Variants in ZBTB41 observed in about 807,000 individuals in gnomAD.
The protein encoded by ZBTB41 is zinc finger and BTB domain-containing protein 41.
In ZBTB41, 42 loss-of-function variants were observed where a neutral mutation model predicts 87.6. The ratio of observed to expected loss-of-function variants is 0.48; its 90% CI spans 0.37 to 0.62. The LOEUF (loss-of-function observed/expected upper bound fraction) is 0.62. Ranked by LOEUF, ZBTB41 falls within the 20% of genes least tolerant of loss-of-function variation. The pLI is 0.00. For synonymous variants in ZBTB41, 364 were observed against 364.0 expected (o/e 1.00, Z 0.00); for missense variants, 799 against 1,078.9 (o/e 0.74, Z 3.63).
chr1:197,186,083 T>C (rs920731075), intron 5 of ZBTB41, among the ~76,000 whole-genome samples: 4 of 151,778 alleles, frequency 2.6e-5, no homozygotes, highest in Non-Finnish European at 5.9e-5. Context: ...ACTATAAAGT[T>C]ACAGTAATCA....
intron 6 of ZBTB41, among the ~76,000 whole-genome samples, chr1:197,179,631 T>C (rs7554995): frequency 0.86 from 130,716 of 151,944 alleles, 56,729 homozygotes; most frequent in East Asian, 1. Context: ...GCATGTACTG[T>C]CCCTGAAGAC....
In ZBTB41 at chr1:197,176,437, T is replaced by C. The variant is rs1659609705; in HGVS notation, c.1879+127A>G. The C allele has an allele frequency of 1.6e-5, 10 of 606,550 alleles. No homozygotes were observed. The South Asian group carries it at 2.2e-4, about 14-fold the overall frequency. 37.6% of individuals were successfully genotyped at this position (606,550 alleles called of 1,614,324 possible). ...TTAAAAAATGTTTTCAGAACCAGAA[T>C]TACAAAGAAGTGATGAGCATAAACC... is the stretch of plus-strand genomic sequence containing the variant. On this transcript the variant is annotated intron_variant, in intron 8 of 10. Coordinates refer to ENST00000367405, the MANE Select transcript of ZBTB41 (RefSeq NM_194314.3).
chr1:197,159,215 C>T lies in ZBTB41; in HGVS notation c.*144G>A. On this transcript the variant is annotated 3_prime_UTR_variant, in exon 11 of 11. Coordinates refer to ENST00000367405, the MANE Select transcript of ZBTB41 (RefSeq NM_194314.3). ...AATATTCATGTTCAGTAAACAGAGA[C>T]ACATAGTTTTCTTGATTTGAAACTG... The T allele has an allele frequency of 1.3e-6, 1 of 746,438 alleles. No homozygotes were observed. Among genetic ancestry groups the T allele is most frequent in the Admixed American group, 2.9e-5 (1 of 34,658 alleles). 46.2% of individuals were successfully genotyped at this position (746,438 alleles called of 1,614,324 possible). A position where few individuals can be genotyped will look rare whatever the true frequency, so the allele number is the denominator to read the frequency against.
At position 197,158,697 on chromosome 1, in the gene ZBTB41, A is replaced by G. The variant is rs1298710272; in HGVS notation, c.*662T>C. ...CATAACAATTGAAGTATAGGCAAAA[A>G]CCAATTATCTGGATTATTATTTCAG... On this transcript the variant is annotated 3_prime_UTR_variant, in exon 11 of 11. Transcript: ENST00000367405. 5.9e-5 allele frequency: 9 copies of G among 152,068 alleles called. No individual in the cohort carries two copies. The highest frequency in any genetic ancestry group is 1.3e-4 in the Non-Finnish European group (9 of 67,956). 9.4% of individuals were successfully genotyped at this position (152,068 alleles called of 1,614,324 possible).
chr1:197,187,661 A>T (rs1327723308), intron 5 of ZBTB41, among the ~76,000 whole-genome samples: 1 of 152,156 alleles, frequency 6.6e-6, no homozygotes, highest in African/African-American at 2.4e-5. Flanking sequence ...GCACTTATAG[A>T]TATGGAGGGC....
chr1:197,191,456 CAAAAAAAAA>C (rs537220441), intron 3 of ZBTB41, among the ~76,000 whole-genome samples: 3 of 85,330 alleles, frequency 3.5e-5, no homozygotes, highest in Admixed American at 1.3e-4. Flanking sequence ...AGCCCTACTT[CAAAAAAAAA>C]AAAAAAAAAA....
intron 8 of ZBTB41, among the ~76,000 whole-genome samples, chr1:197,175,351 T>C (rs1204760765): frequency 6.7e-6 from 1 of 148,740 alleles, no homozygotes; most frequent in Non-Finnish European, 1.5e-5. Flanking sequence ...ATCAATAGCC[T>C]TTTGTTGAAC....
chr1:197,163,521 G>A (rs1302601065), intron 10 of ZBTB41, among the ~76,000 whole-genome samples: 2 of 151,718 alleles, frequency 1.3e-5, no homozygotes, highest in East Asian at 3.9e-4. Context: ...TCAGGAGGAG[G>A]AGAGAGAATA....
In ZBTB41 at chr1:197,159,231, T is replaced by A; in HGVS notation, c.*128A>T. On this transcript the variant is annotated 3_prime_UTR_variant, in exon 11 of 11. Transcript: ENST00000367405. Reference sequence around the variant, plus strand: ...AAACAGAGACACATAGTTTTCTTGATTTGAAACTGTTCTGAGGACTTGAGA... The same window carrying A: ...AAACAGAGACACATAGTTTTCTTGAATTGAAACTGTTCTGAGGACTTGAGA... 1.1e-6 allele frequency: 1 copy of A among 892,206 alleles called. No homozygotes were observed. Among genetic ancestry groups the A allele is most frequent in the South Asian group, 1.8e-5 (1 of 56,950 alleles). The allele number at this position is 892,206 out of a possible 1,614,324, so 55.3% of individuals were successfully genotyped here.
intron 10 of ZBTB41, among the ~76,000 whole-genome samples, chr1:197,163,296 A>G (rs536457194): frequency 6.6e-6 from 1 of 152,280 alleles, no homozygotes; most frequent in Non-Finnish European, 1.5e-5. Flanking sequence ...ATACAAAGTG[A>G]CCCAAATGAT....
intron 10 of ZBTB41, 111 bp from the exon 11 acceptor site, chr1:197,160,125 G>GC (rs1229150153): frequency 1.3e-6 from 1 of 747,276 alleles, no homozygotes; most frequent in African/African-American, 1.8e-5. Context: ...CTTGATAATA[G>GC]CAATAATACT....
At chr1:197,168,623 A>G (rs72738645) in intron 10 of ZBTB41, among the ~76,000 whole-genome samples, 45,995 of 152,002 alleles carry the variant, frequency 0.3, 8,711 homozygotes, top group Middle Eastern at 0.45. Context: ...AATTATAGAA[A>G]GTTCATGGAT....
At chr1:197,183,254 A>G (rs1659800333) in intron 5 of ZBTB41, among the ~76,000 whole-genome samples, 1 of 152,144 alleles carries the variant, frequency 6.6e-6, no homozygotes, top group South Asian at 2.1e-4. Flanking sequence ...GAGAATGAAA[A>G]CTATGCCTGG....
chr1:197,196,950 T>TA (rs1557988706), intron 2 of ZBTB41, among the ~76,000 whole-genome samples: 2 of 152,062 alleles, frequency 1.3e-5, no homozygotes. Context: ...GATAAAATTA[T>TA]CTTTATTGTA....
intron 8 of ZBTB41, chr1:197,175,858 T>C (rs1305405142): frequency 6.6e-6 from 1 of 151,936 alleles, no homozygotes; most frequent in Non-Finnish European, 1.5e-5. Context: ...CTCATTGAGA[T>C]CATCTCAGAA....
At chr1:197,186,917 A>G (rs1037679749) in intron 5 of ZBTB41, among the ~76,000 whole-genome samples, 3 of 152,044 alleles carry the variant, frequency 2.0e-5, no homozygotes, top group African/African-American at 7.2e-5. Flanking sequence ...CAAAGACTGA[A>G]CAGACACCAC....
chr1:197,190,867 G>A (rs760662099), intron 3 of ZBTB41, 36 bp from the exon 4 acceptor site: 14 of 1,321,892 alleles, frequency 1.1e-5, no homozygotes, highest in Middle Eastern at 3.7e-4. Context: ...TTAGGAAAAG[G>A]TTATATTAGT....
chr1:197,156,251 T>A lies in ZBTB41; in HGVS notation c.*3108A>T, dbSNP rs1385854212. ...ATTATTCTAGGACTTCAACTGTGCT[T>A]CTTTGGACAAATAGTTATTCAAGCA... On this transcript the variant is annotated 3_prime_UTR_variant, in exon 11 of 11. Coordinates refer to ENST00000367405, the MANE Select transcript of ZBTB41 (RefSeq NM_194314.3). 1 of 152,132 alleles carries A rather than the reference T, an allele frequency of 6.6e-6. No homozygotes were observed. The highest frequency in any genetic ancestry group is 2.4e-5 in the African/African-American group (1 of 41,412). The allele number at this position is 152,132 out of a possible 1,614,324, so 9.4% of individuals were successfully genotyped here.
At chr1:197,195,197 T>A (rs968842153) in intron 2 of ZBTB41, among the ~76,000 whole-genome samples, 1 of 152,206 alleles carries the variant, frequency 6.6e-6, no homozygotes, top group Admixed American at 6.5e-5. Flanking sequence ...GCATTCCTGA[T>A]CCTGAACAGA....
Sources: gnomAD v4.1 joint callset for allele counts (sites outside exome capture counted in the v4.1 genomes callset) on GRCh38, gnomAD v4.1.1 for gene constraint, MANE v1.5 for transcripts, NCBI Gene and HGNC (gene_info 2026-07-23, HGNC 2026-07-21) for gene names.